The following SLC16A13 variants were observed in gnomAD, a reference collection of about 807,000 sequenced individuals.
The protein encoded by SLC16A13 is monocarboxylate transporter 13.
Under a neutral mutation model 28.1 loss-of-function variants are expected in SLC16A13, and 28 were observed. The ratio of observed to expected loss-of-function variants is 1.00; its 90% CI spans 0.74 to 1.37. SLC16A13 has a LOEUF of 1.37. Ranked by LOEUF, SLC16A13 falls within the 40% of genes most tolerant of loss-of-function variation. The probability of loss-of-function intolerance (pLI) is 0.00; values close to 1 mark genes in which losing one functional copy is unlikely to be tolerated. For synonymous variants in SLC16A13, 228 were observed against 241.6 expected, an observed-to-expected ratio of 0.94 and a Z score of 0.52; for missense variants, 482 against 531.8, an observed-to-expected ratio of 0.91 and a Z score of 0.92.
rs993584516 is a variant in SLC16A13, at chr17:7,038,414, T to TC, written c.609dup (p.Arg204GlnfsTer59). The TC allele has an allele frequency of 6.2e-7, 1 of 1,613,972 alleles. No homozygotes were observed. The highest frequency in any genetic ancestry group is 8.5e-7 in the Non-Finnish European group (1 of 1,179,970). On this transcript the variant is annotated frameshift_variant, in exon 3 of 4. Transcript: ENST00000308027. LOFTEE classifies it high-confidence loss of function. The surrounding 1 kb of genome is among the most constrained non-coding windows in gnomAD (Gnocchi z 5.7). ...TGGCTGAGGACCCTGCTGTGGGTGG[T>TC]CCCAGGGCCCAACTCACCTCTCTCC... is the stretch of plus-strand genomic sequence containing the variant.
chr17:7,036,705 A>T (rs149176441), intron 1 of SLC16A13, 22 bp from the exon 2 acceptor site: 1 of 1,610,204 alleles, frequency 6.2e-7, no homozygotes, highest in Non-Finnish European at 8.5e-7. Context: ...ATCTTCTCGC[A>T]GCGCCCCTTC....
Position 7,036,390 on chromosome 17 carries a change from G to T in SLC16A13, c.8G>T (p.Arg3Leu), listed in dbSNP as rs142327139. 6.2e-7 allele frequency: 1 copy of T among 1,609,280 alleles called. No homozygotes were observed. The highest frequency in any genetic ancestry group is 8.5e-7 in the Non-Finnish European group (1 of 1,178,582). The change falls in exon 1 of 4, where the codon CGC becomes CTC. Residue 3 changes from arginine (R) to leucine (L), a missense_variant. By Grantham distance (102) the Arg-to-Leu change is moderately radical. Coordinates refer to ENST00000308027, the MANE Select transcript of SLC16A13 (RefSeq NM_201566.3). MA[R>L]RTEPPDGGWG... ...AGCCCTGTTACCGCTTAGATGGCGCGCAGGACAGAGCCCCCCGACGGGGGC... is the reference window on the plus strand; with the variant it reads ...AGCCCTGTTACCGCTTAGATGGCGCTCAGGACAGAGCCCCCCGACGGGGGC...
In SLC16A13 at chr17:7,036,153, G is replaced by A. The variant is rs1347060184; in HGVS notation, c.-230G>A. On this transcript the variant is annotated 5_prime_UTR_variant, in exon 1 of 4. Coordinates refer to ENST00000308027, the MANE Select transcript of SLC16A13 (RefSeq NM_201566.3). ...CGAGCTCGCGGAACCACGCCCCCGG[G>A]AGACTCTGGCCCGGCCAGCGCGGGC... is the stretch of plus-strand genomic sequence containing the variant. 5 of 482,546 alleles carry A rather than the reference G, an allele frequency of 1.0e-5. No homozygotes were observed. Among genetic ancestry groups the A allele is most frequent in the Admixed American group, 7.5e-5 (2 of 26,818 alleles). The allele number at this position is 482,546 out of a possible 1,614,324, so 29.9% of individuals were successfully genotyped here. A position where few individuals can be genotyped will look rare whatever the true frequency, so the allele number is the denominator to read the frequency against.
Position 7,036,498 on chromosome 17 carries a change from T to G in SLC16A13, c.116T>G (p.Val39Gly). Residue 39 changes from valine (V) to glycine (G), a missense_variant, in exon 1 of 4, where the codon GTG (valine) becomes GGG (glycine). Physicochemically the swap from Val to Gly is moderately radical, Grantham distance 109 (BLOSUM62 -3). Coordinates refer to ENST00000308027, the MANE Select transcript of SLC16A13 (RefSeq NM_201566.3). The part of the protein sequence containing the change: ...GVLRSFGVFF[V>G]EFVAAFEEQA... ...CTCCGCTCCTTTGGGGTCTTCTTCG[T>G]GGAGTTTGTGGCGGCGTTTGAGGAG... The G allele has an allele frequency of 6.2e-7, 1 of 1,612,462 alleles. No homozygotes were observed. The highest frequency in any genetic ancestry group is 8.5e-7 in the Non-Finnish European group (1 of 1,180,006).
Position 7,036,143 on chromosome 17 carries a change from A to T in SLC16A13, c.-240A>T, listed in dbSNP as rs2151667729. 4.3e-6 allele frequency: 2 copies of T among 465,830 alleles called. No individual in the cohort carries two copies. The highest frequency in any genetic ancestry group is 6.7e-5 in the East Asian group (2 of 29,692). The allele number at this position is 465,830 out of a possible 1,614,324, so 28.9% of individuals were successfully genotyped here. A position where few individuals can be genotyped will look rare whatever the true frequency, so the allele number is the denominator to read the frequency against. On this transcript the variant is annotated 5_prime_UTR_variant, in exon 1 of 4. Coordinates refer to ENST00000308027, the MANE Select transcript of SLC16A13 (RefSeq NM_201566.3). ...AGCTCAGCTCCGAGCTCGCGGAACC[A>T]CGCCCCCGGGAGACTCTGGCCCGGC...
rs754259483 is a variant in SLC16A13, at chr17:7,036,406, C to G, written c.24C>G (p.Pro8=). 6.2e-7 allele frequency: 1 copy of G among 1,611,586 alleles called. No homozygotes were observed. Among genetic ancestry groups the G allele is most frequent in the Admixed American group, 1.7e-5 (1 of 59,894 alleles). The change falls in exon 1 of 4, where the codon CCC becomes CCG. Residue 8 remains proline (P), a synonymous_variant. Coordinates refer to ENST00000308027, the MANE Select transcript of SLC16A13 (RefSeq NM_201566.3). ...AGATGGCGCGCAGGACAGAGCCCCC[C>G]GACGGGGGCTGGGGATGGGTGGTGG... MARRTEP[P]DGGWGWVVVL...
In SLC16A13 at chr17:7,036,587, T is replaced by G. The variant is rs745590103; in HGVS notation, c.199+6T>G. 1 of 1,611,658 alleles carries G rather than the reference T, an allele frequency of 6.2e-7. No homozygotes were observed. On this transcript the variant is annotated splice_donor_region_variant and intron_variant, in intron 1 of 3. Coordinates refer to ENST00000308027, the MANE Select transcript of SLC16A13 (RefSeq NM_201566.3). ...CGCGGTGCAGCAGTTTGGGAGTGAG[T>G]GCGGCGCCTGGATCTGGCGGACTGC...
At position 7,036,416 on chromosome 17, in the gene SLC16A13, T is replaced by G; in HGVS notation, c.34T>G (p.Trp12Gly). ...ARRTEPPDGG[W>G]GWVVVLSAFF... ...CAGGACAGAGCCCCCCGACGGGGGC[T>G]GGGGATGGGTGGTGGTGCTCTCAGC... Residue 12 changes from tryptophan to glycine, a missense_variant, in exon 1 of 4, where the codon TGG becomes GGG. By Grantham distance (184) the Trp-to-Gly change is radical. Coordinates refer to ENST00000308027, the MANE Select transcript of SLC16A13 (RefSeq NM_201566.3). 1 of 1,611,806 alleles carries G rather than the reference T, an allele frequency of 6.2e-7. No individual in the cohort carries two copies. The highest frequency in any genetic ancestry group is 1.1e-5 in the South Asian group (1 of 90,986).
chr17:7,038,993 G>A lies in SLC16A13; in HGVS notation c.1081+104G>A, dbSNP rs1597345327. On this transcript the variant is annotated intron_variant, in intron 3 of 3. Coordinates refer to ENST00000308027, the MANE Select transcript of SLC16A13 (RefSeq NM_201566.3). The surrounding 1 kb of genome is among the most constrained non-coding windows in gnomAD (Gnocchi z 5.7). ...TATGTGAATATTGCCCTCTGGTGTA[G>A]TACAGTACACAGCCTGCGTGGCCAA... The A allele has an allele frequency of 2.1e-6, 3 of 1,438,504 alleles. No individual in the cohort carries two copies. The highest frequency in any genetic ancestry group is 4.6e-5 in the East Asian group (2 of 43,798). 89.1% of individuals were successfully genotyped at this position (1,438,504 alleles called of 1,614,324 possible).
In SLC16A13 at chr17:7,036,278, TC is replaced by T; in HGVS notation, c.-104del. Reference sequence around the variant, plus strand: ...TCTCTACCTGCCTCTCCAACCCCTCTCGGCCCCGAGCCACCCGGCAGCGGGG... The same window carrying T: ...TCTCTACCTGCCTCTCCAACCCCTCTGGCCCCGAGCCACCCGGCAGCGGGG... On this transcript the variant is annotated 5_prime_UTR_variant, in exon 1 of 4. Transcript: ENST00000308027. 1 of 1,228,424 alleles carries T rather than the reference TC, an allele frequency of 8.1e-7. No homozygotes were observed. Among genetic ancestry groups the T allele is most frequent in the Non-Finnish European group, 1.1e-6 (1 of 881,904 alleles). The allele number at this position is 1,228,424 out of a possible 1,614,324, so 76.1% of individuals were successfully genotyped here.
chr17:7,038,363 T>C lies in SLC16A13; in HGVS notation c.555T>C (p.Cys185=). ...VSALSLHLVA[C]GALLRPPSLA... is the part of the protein sequence containing the mutation. ...CCCTCTCCCTCCACCTAGTGGCCTG[T>C]GGTGCTCTCCTCCGCCCACCCTCCC... Residue 185 remains cysteine (C), a synonymous_variant, in exon 3 of 4, where the codon TGT becomes TGC. Coordinates refer to ENST00000308027, the MANE Select transcript of SLC16A13 (RefSeq NM_201566.3). This position sits in a 1 kb window ranked among gnomAD's most constrained non-coding sequence, Gnocchi z 5.7. The C allele has an allele frequency of 6.2e-7, 1 of 1,614,070 alleles. No homozygotes were observed. The highest frequency in any genetic ancestry group is 8.5e-7 in the Non-Finnish European group (1 of 1,179,994).
In SLC16A13 at chr17:7,039,892, C is replaced by T. The variant is rs1910676042; in HGVS notation, c.1211C>T (p.Pro404Leu). Reference sequence around the variant, plus strand: ...TGCTTCTCAACTACTACCTCCGGGCCCCAGGACCTTGTAACAGAAGCACTA... The same window carrying T: ...TGCTTCTCAACTACTACCTCCGGGCTCCAGGACCTTGTAACAGAAGCACTA... ...FFCFSTTTSG[P>L]QDLVTEALDT... is the part of the protein sequence containing the mutation. Residue 404 changes from proline (P) to leucine (L), a missense_variant, in exon 4 of 4, where the codon CCC (proline) becomes CTC (leucine). Coordinates refer to ENST00000308027, the MANE Select transcript of SLC16A13 (RefSeq NM_201566.3). The surrounding 1 kb of genome is among the most constrained non-coding windows in gnomAD (Gnocchi z 4.3). 3 of 1,614,018 alleles carry T rather than the reference C, an allele frequency of 1.9e-6. No homozygotes were observed. Among genetic ancestry groups the T allele is most frequent in the Admixed American group, 3.3e-5 (2 of 60,004 alleles).
At position 7,038,075 on chromosome 17, in the gene SLC16A13, C is replaced by A; in HGVS notation, c.344-77C>A. On this transcript the variant is annotated intron_variant, in intron 2 of 3. Transcript: ENST00000308027. This position sits in a 1 kb window ranked among gnomAD's most constrained non-coding sequence, Gnocchi z 5.7. ...ACTCCGAAGCAAGTGCTACATTCTG[C>A]TGCTGGGCAATGCGGGGATTACTGT... is the stretch of plus-strand genomic sequence containing the variant. The A allele has an allele frequency of 1.3e-6, 2 of 1,504,642 alleles. No individual in the cohort carries two copies. The highest frequency in any genetic ancestry group is 2.0e-5 in the Admixed American group (1 of 50,650). 93.2% of individuals were successfully genotyped at this position (1,504,642 alleles called of 1,614,324 possible).
At chr17:7,036,675 C>CT (rs1452011098) in intron 1 of SLC16A13, 52 bp from the exon 2 acceptor site, 1 of 1,606,946 alleles carries the variant, frequency 6.2e-7, no homozygotes, top group African/African-American at 1.3e-5. Flanking sequence ...GCGGGAGATG[C>CT]TGGGGGGGAG....
In SLC16A13 at chr17:7,039,010, C is replaced by T. The variant is rs1910657788; in HGVS notation, c.1081+121C>T. On this transcript the variant is annotated intron_variant, in intron 3 of 3. Coordinates refer to ENST00000308027, the MANE Select transcript of SLC16A13 (RefSeq NM_201566.3). The surrounding 1 kb of genome is among the most constrained non-coding windows in gnomAD (Gnocchi z 4.3). ...CTGGTGTAGTACAGTACACAGCCTGCGTGGCCAACCATAGCATCCCTGAAA... is the reference window on the plus strand; with the variant it reads ...CTGGTGTAGTACAGTACACAGCCTGTGTGGCCAACCATAGCATCCCTGAAA... 2.1e-5 allele frequency: 27 copies of T among 1,310,944 alleles called. No homozygotes were observed. The South Asian group carries it at 2.3e-4, about 11-fold the overall frequency. 81.2% of individuals were successfully genotyped at this position (1,310,944 alleles called of 1,614,324 possible).
rs746404092 is a variant in SLC16A13, at chr17:7,038,263, C to T, written c.455C>T (p.Ser152Phe). The T allele has an allele frequency of 6.2e-7, 1 of 1,614,202 alleles. No individual in the cohort carries two copies. Among genetic ancestry groups the T allele is most frequent in the Non-Finnish European group, 8.5e-7 (1 of 1,180,040 alleles). Residue 152 changes from serine to phenylalanine, a missense_variant, in exon 3 of 4, where the codon TCC becomes TTC. Ser to Phe is a radical substitution (Grantham distance 155). Transcript: ENST00000308027. This position sits in a 1 kb window ranked among gnomAD's most constrained non-coding sequence, Gnocchi z 5.7. Reference protein sequence around the residue: ...GLALTGVGLSSFTFAPFFQWL... With the variant: ...GLALTGVGLSFFTFAPFFQWL... ...GCACTGACAGGCGTGGGCCTCTCCT[C>T]CTTCACATTTGCCCCCTTTTTCCAG...
At chr17:7,036,645 G>A in intron 1 of SLC16A13, 64 bp downstream of exon 1, 2 of 1,609,244 alleles carry the variant, frequency 1.2e-6, no homozygotes, top group Middle Eastern at 2.1e-4. Flanking sequence ...TGCGGCGACT[G>A]GGAAGTGGAA....
At position 7,040,084 on chromosome 17, in the gene SLC16A13, G is replaced by C. The variant is rs531681447; in HGVS notation, c.*122G>C. ...CTTGATCTGCCTCCCCCTAGAGCAG[G>C]CCTGGGGCTCCTGCAATGTGTGTGC... On this transcript the variant is annotated 3_prime_UTR_variant, in exon 4 of 4. Transcript: ENST00000308027. The C allele has an allele frequency of 4.8e-6, 4 of 840,976 alleles. No individual in the cohort carries two copies. The African/African-American group carries it at 5.1e-5, about 11-fold the overall frequency. 52.1% of individuals were successfully genotyped at this position (840,976 alleles called of 1,614,324 possible).
intron 2 of SLC16A13, 120 bp downstream of exon 2, chr17:7,036,990 C>A: frequency 1.7e-6 from 2 of 1,205,288 alleles, no homozygotes; most frequent in Non-Finnish European, 1.2e-6. Context: ...AGCACCTGTA[C>A]CCAGAAGGGA....
Sources: allele counts gnomAD v4.1 joint callset, GRCh38; gene constraint gnomAD v4.1.1; non-coding constraint Gnocchi (gnomAD v3.1); transcripts MANE v1.5; gene names NCBI Gene and HGNC (gene_info 2026-07-23, HGNC 2026-07-21).